CMSS1: variants seen among roughly 807,000 people sequenced by gnomAD.
The protein encoded by CMSS1 is protein CMSS1.
A neutral mutation model predicts 43.5 loss-of-function variants in CMSS1; 33 were observed. The ratio of observed to expected loss-of-function variants is 0.76; its 90% CI spans 0.57 to 1.01. CMSS1 has a LOEUF of 1.01. Among genes scored for constraint, CMSS1 ranks in the 50% least tolerant of loss-of-function variants. The pLI, the probability that CMSS1 is intolerant of heterozygous loss-of-function variation, is 0.00. For missense variants in CMSS1, 313 were observed against 326.4 expected (o/e 0.96, Z 0.32); for synonymous variants, 115 against 117.2 (o/e 0.98, Z 0.12).
At chr3:100,109,144 C>T (rs114567564) in intron 1 of CMSS1, among the ~76,000 whole-genome samples, 104 of 150,608 alleles carry the variant, frequency 6.9e-4, no homozygotes, top group Non-Finnish European at 9.3e-4. Flanking sequence ...TCAATTCTTC[C>T]GCTGTAAATC....
At chr3:99,915,715 TAC>T (rs1255268473) in intron 1 of CMSS1, among the ~76,000 whole-genome samples, 2 of 152,304 alleles carry the variant, frequency 1.3e-5, no homozygotes, top group Non-Finnish European at 2.9e-5. Context: ...GCAATTCTCC[TAC>T]ACTAAAGGAA....
Position 100,178,619 on chromosome 3 carries a change from C to A in CMSS1, c.*231C>A. 1 of 389,890 alleles carries A rather than the reference C, an allele frequency of 2.6e-6. No homozygotes were observed. The highest frequency in any genetic ancestry group is 4.2e-5 in the Admixed American group (1 of 23,866). 24.2% of individuals were successfully genotyped at this position (389,890 alleles called of 1,614,324 possible). ...TTGTGTATGATCCTTGTTGAGCGGA[C>A]CGTGTTTTTCTGTCACCAACTGGCT... On this transcript the variant is annotated 3_prime_UTR_variant, in exon 10 of 10. Coordinates refer to ENST00000421999, the MANE Select transcript of CMSS1 (RefSeq NM_032359.4).
chr3:100,025,442 C>A (rs2064901599), intron 1 of CMSS1: 1 of 152,010 alleles, frequency 6.6e-6, no homozygotes, highest in Admixed American at 6.6e-5. Context: ...GTCTTCCTTC[C>A]CCACCCACTT....
intron 1 of CMSS1, among the ~76,000 whole-genome samples, chr3:100,128,032 A>G (rs1559766109): frequency 6.6e-6 from 1 of 152,226 alleles, no homozygotes; most frequent in Admixed American, 6.5e-5. Context: ...TGCTCTGCCT[A>G]TATGACAGCC....
rs151236358 is a variant in CMSS1, at chr3:100,013,679, C to A, written c.65-133294C>A. On this transcript the variant is annotated intron_variant, in intron 1 of 9. Coordinates refer to ENST00000421999, the MANE Select transcript of CMSS1 (RefSeq NM_032359.4). ...TCTAAACAGTGAAATGATATTTTTT[C>A]CTAGTTTTATTAAGGTTTAGTTGGC... 3.8e-3 allele frequency among the ~76,000 whole-genome samples: 579 copies of A among 152,010 alleles called. 5 individuals are homozygous for A. Among genetic ancestry groups the A allele is most frequent in the African/African-American group, 0.013 (523 of 41,452 alleles).
intron 1 of CMSS1, among the ~76,000 whole-genome samples, chr3:99,985,987 G>A (rs1709329798): frequency 6.6e-6 from 1 of 152,184 alleles, no homozygotes; most frequent in Non-Finnish European, 1.5e-5. Flanking sequence ...ACAATACTTT[G>A]ATACTAATAG....
chr3:99,971,167 C>G (rs1708807286), intron 1 of CMSS1, among the ~76,000 whole-genome samples: 1 of 152,062 alleles, frequency 6.6e-6, no homozygotes, highest in South Asian at 2.1e-4. Context: ...GAAACCCCGT[C>G]TCTACTAAAA....
chr3:100,153,528 C>T (rs2066941401), intron 2 of CMSS1, among the ~76,000 whole-genome samples: 1 of 152,232 alleles, frequency 6.6e-6, no homozygotes, highest in African/African-American at 2.4e-5. Flanking sequence ...CTCTCCCCTT[C>T]ACTTGCAGAT....
intron 1 of CMSS1, among the ~76,000 whole-genome samples, chr3:100,026,528 G>A (rs1246089020): frequency 6.6e-6 from 1 of 152,070 alleles, no homozygotes; most frequent in Non-Finnish European, 1.5e-5. Flanking sequence ...TTTGAGAGGA[G>A]CTGGAAGTCT....
At chr3:99,982,477 A>G (rs973488470) in intron 1 of CMSS1, among the ~76,000 whole-genome samples, 7 of 152,008 alleles carry the variant, frequency 4.6e-5, no homozygotes, top group Non-Finnish European at 7.4e-5. Context: ...AATGGCTGGG[A>G]CTACAGGCAC....
At chr3:99,939,562 T>C (rs1707793828) in intron 1 of CMSS1, among the ~76,000 whole-genome samples, 1 of 152,222 alleles carries the variant, frequency 6.6e-6, no homozygotes, top group Admixed American at 6.5e-5. Flanking sequence ...ATTTCCCAGA[T>C]ATTAAACACA....
chr3:100,069,450 T>C (rs2065723905), intron 1 of CMSS1, among the ~76,000 whole-genome samples: 1 of 152,144 alleles, frequency 6.6e-6, no homozygotes, highest in African/African-American at 2.4e-5. Flanking sequence ...AGAAAGGAGA[T>C]GGCTGGTTGT....
At chr3:100,121,769 T>C (rs1426030380) in intron 1 of CMSS1, among the ~76,000 whole-genome samples, 1 of 152,174 alleles carries the variant, frequency 6.6e-6, no homozygotes, top group African/African-American at 2.4e-5. Context: ...TTTATCCTGG[T>C]GCTCTGAGGG....
chr3:99,936,702 A>G (rs1005133563), intron 1 of CMSS1, among the ~76,000 whole-genome samples: 1 of 150,372 alleles, frequency 6.7e-6, no homozygotes, highest in Non-Finnish European at 1.5e-5. Context: ...TCACTTGCCA[A>G]AGGTCACACT....
At chr3:100,032,493 C>G (rs1025643715) in intron 1 of CMSS1, among the ~76,000 whole-genome samples, 10 of 152,178 alleles carry the variant, frequency 6.6e-5, no homozygotes, top group African/African-American at 2.4e-4. Context: ...ATTGTGAAGT[C>G]TGTCTGAGGC....
At chr3:99,983,478 A>G (rs1207007780) in intron 1 of CMSS1, among the ~76,000 whole-genome samples, 578 of 22,106 alleles carry the variant, frequency 0.026, 24 homozygotes, top group African/African-American at 0.074. Flanking sequence ...ATATATATAT[A>G]TATATATATA....
At chr3:99,993,389 G>A (rs1463930631) in intron 1 of CMSS1, among the ~76,000 whole-genome samples, 4 of 152,002 alleles carry the variant, frequency 2.6e-5, no homozygotes, top group Non-Finnish European at 4.4e-5. Context: ...GGAGTCTTCA[G>A]GGTTTTCTAG....
chr3:99,914,928 T>TG (rs1260668946), intron 1 of CMSS1, among the ~76,000 whole-genome samples: 2 of 152,242 alleles, frequency 1.3e-5, no homozygotes, highest in Non-Finnish European at 2.9e-5. Flanking sequence ...ATGGTCATGA[T>TG]GTTTTTGTTA....
intron 1 of CMSS1, among the ~76,000 whole-genome samples, chr3:99,896,636 C>T (rs1706263960): frequency 6.6e-6 from 1 of 152,170 alleles, no homozygotes; most frequent in Non-Finnish European, 1.5e-5. Flanking sequence ...AAGGAACAGG[C>T]ACCAAATTAC....
Sources: gnomAD v4.1 joint callset for allele counts (sites outside exome capture counted in the v4.1 genomes callset) on GRCh38, gnomAD v4.1.1 for gene constraint, MANE v1.5 for transcripts, NCBI Gene and HGNC (gene_info 2026-07-23, HGNC 2026-07-21) for gene names.